The following MAGI1 variants were observed in gnomAD, a reference collection of about 807,000 sequenced individuals.
MAGI1 encodes the protein membrane-associated guanylate kinase, WW and PDZ domain-containing protein 1.
Under a neutral mutation model 139.9 loss-of-function variants are expected in MAGI1, and 58 were observed. The ratio of observed to expected loss-of-function variants is 0.41; its 90% confidence interval spans 0.34 to 0.52. The LOEUF (loss-of-function observed/expected upper bound fraction) is 0.52. Ranked by LOEUF, MAGI1 falls within the 20% of genes least tolerant of loss-of-function variation. The probability of loss-of-function intolerance (pLI) is 0.12; values close to 1 mark genes in which losing one functional copy is unlikely to be tolerated. For synonymous variants in MAGI1, 812 were observed against 737.9 expected (o/e 1.10, Z -1.63); for missense variants, 1,874 against 1,901.6 (o/e 0.99, Z 0.27).
At chr3:65,937,317 T>C (rs997442269) in intron 1 of MAGI1, among the ~76,000 whole-genome samples, 7 of 152,278 alleles carry the variant, frequency 4.6e-5, no homozygotes, top group Admixed American at 3.9e-4. Flanking sequence ...CCTTGCCCTT[T>C]TGCCTCAGAT....
chr3:65,426,488 C>A lies in MAGI1; in HGVS notation c.2167+3032G>T, dbSNP rs528392451. 3.9e-5 allele frequency among the ~76,000 whole-genome samples: 6 copies of A among 152,234 alleles called. No individual in the cohort carries two copies. In the East Asian group the frequency reaches 9.7e-4, roughly 25 times the overall value. ...TAAAGCATAGAAAGCCACAACCTCA[C>A]GACAGGAATTCCTGAGACTCATGGA... On this transcript the variant is annotated intron_variant, in intron 12 of 22. Transcript: ENST00000402939.
intron 1 of MAGI1, among the ~76,000 whole-genome samples, chr3:65,970,240 A>G (rs190844432): frequency 2.1e-4 from 32 of 152,346 alleles, no homozygotes; most frequent in African/African-American, 7.5e-4. Context: ...TGCCGATCAC[A>G]AAAGGACAAA....
In MAGI1 at chr3:65,381,895, G is replaced by A. The variant is rs765325696; in HGVS notation, c.2683C>T (p.Arg895Cys). 6 of 1,612,872 alleles carry A rather than the reference G, an allele frequency of 3.7e-6. No individual in the cohort carries two copies. The highest frequency in any genetic ancestry group is 1.1e-5 in the South Asian group (1 of 90,886). ...TACATACCCGCAAAAACCACTTTAC[G>A]CCGCACCGTGAGATTGACGTGGCCT... ...KQGHVNLTVR[R>C]KVVFAVPKTE... Residue 895 changes from arginine (R) to cysteine (C), a missense_variant, in exon 16 of 23, where the codon CGT becomes TGT. By Grantham distance (180) the Arg-to-Cys change is radical. Transcript: ENST00000402939.
intron 1 of MAGI1, among the ~76,000 whole-genome samples, chr3:65,638,185 T>C (rs562948643): frequency 2.0e-5 from 3 of 152,252 alleles, no homozygotes; most frequent in South Asian, 2.1e-4. Flanking sequence ...GGGATAAGAA[T>C]AGCATCTACC....
At chr3:65,800,649 C>A (rs1296120322) in intron 1 of MAGI1, among the ~76,000 whole-genome samples, 2 of 144,974 alleles carry the variant, frequency 1.4e-5, no homozygotes, top group Non-Finnish European at 3.1e-5. Flanking sequence ...AAAAAAAAAA[C>A]TGATGTAAGA....
intron 1 of MAGI1, among the ~76,000 whole-genome samples, chr3:65,735,863 A>T (rs1231190855): frequency 2.0e-5 from 3 of 152,212 alleles, no homozygotes; most frequent in African/African-American, 7.2e-5. Context: ...GTTATCAAGC[A>T]CTTTACAGGC....
intron 1 of MAGI1, among the ~76,000 whole-genome samples, chr3:65,692,740 G>A (rs1465563036): frequency 6.6e-6 from 1 of 152,116 alleles, no homozygotes; most frequent in African/African-American, 2.4e-5. Context: ...GAGGGAGTGG[G>A]TGAGTTGTCA....
chr3:65,620,464 A>G (rs2083603907), intron 2 of MAGI1, among the ~76,000 whole-genome samples: 1 of 152,164 alleles, frequency 6.6e-6, no homozygotes, highest in African/African-American at 2.4e-5. Context: ...GCAATGGTGA[A>G]CTCAGGAGAC....
intron 13 of MAGI1, among the ~76,000 whole-genome samples, chr3:65,398,015 CT>C (rs983363854): frequency 3.5e-4 from 51 of 145,748 alleles, no homozygotes; most frequent in Middle Eastern, 3.5e-3. Flanking sequence ...GGCAATTAAT[CT>C]TTTTTTTTTT....
intron 1 of MAGI1, among the ~76,000 whole-genome samples, chr3:65,807,984 G>C (rs1385534761): frequency 6.6e-6 from 1 of 151,218 alleles, no homozygotes; most frequent in Non-Finnish European, 1.5e-5. Context: ...GAGAGGCTAA[G>C]TTCGGCGGAT....
chr3:65,592,410 A>G (rs2082011326), intron 2 of MAGI1, among the ~76,000 whole-genome samples: 1 of 152,150 alleles, frequency 6.6e-6, no homozygotes, highest in Admixed American at 6.5e-5. Flanking sequence ...AAAACTAGAA[A>G]CATGCTAACA....
chr3:65,981,841 G>C (rs2065598202), intron 1 of MAGI1, among the ~76,000 whole-genome samples: 1 of 152,156 alleles, frequency 6.6e-6, no homozygotes, highest in Admixed American at 6.5e-5. Flanking sequence ...CCCCAGCCAT[G>C]TGGAACTGTG....
chr3:65,918,792 T>A (rs2062030801), intron 1 of MAGI1, among the ~76,000 whole-genome samples: 2 of 152,124 alleles, frequency 1.3e-5, no homozygotes, highest in African/African-American at 4.8e-5. Flanking sequence ...TTCAAAGAAT[T>A]TAAAATGCTC....
chr3:65,879,408 A>G (rs2060239731), intron 1 of MAGI1, among the ~76,000 whole-genome samples: 1 of 152,068 alleles, frequency 6.6e-6, no homozygotes, highest in East Asian at 1.9e-4. Flanking sequence ...TCAGGCGATT[A>G]AGGGAAGAAA....
chr3:65,445,041 A>G (rs1320393250), intron 7 of MAGI1, among the ~76,000 whole-genome samples: 2 of 152,336 alleles, frequency 1.3e-5, no homozygotes, highest in South Asian at 4.1e-4. Flanking sequence ...ATGACATTAT[A>G]ATTTTTTAAG....
Position 65,375,768 on chromosome 3 carries a change from G to C in MAGI1, c.3173C>G (p.Thr1058Ser), listed in dbSNP as rs1663383742. The change falls in exon 18 of 23, where the codon ACC becomes AGC. Residue 1058 changes from threonine (T) to serine (S), a missense_variant. Around this residue, in one of 5 missense-constraint regions of MAGI1, gnomAD observed 653 missense variants for 644.5 expected, o/e 1.01. Coordinates refer to ENST00000402939, the MANE Select transcript of MAGI1 (RefSeq NM_001033057.2). ...ACCATCCCCAGGAATGATGCGGAGG[G>C]TAACTGTGTTTCCCGCTTCCTTGAT... ...NLIKEAGNTV[T>S]LRIIPGDESS... The C allele has an allele frequency of 6.2e-7, 1 of 1,613,648 alleles. No homozygotes were observed. Among genetic ancestry groups the C allele is most frequent in the Non-Finnish European group, 8.5e-7 (1 of 1,179,618 alleles).
At chr3:65,803,314 T>TG (rs2040633803) in intron 1 of MAGI1, among the ~76,000 whole-genome samples, 1 of 152,138 alleles carries the variant, frequency 6.6e-6, no homozygotes, top group African/African-American at 2.4e-5. Context: ...ATTGTACATA[T>TG]GAAAAAATAT....
chr3:65,481,534 A>G (rs1045575125), intron 3 of MAGI1, among the ~76,000 whole-genome samples: 3 of 152,246 alleles, frequency 2.0e-5, no homozygotes, highest in African/African-American at 7.2e-5. Flanking sequence ...AATCATTATT[A>G]TATCACGACA....
intron 1 of MAGI1, among the ~76,000 whole-genome samples, chr3:65,860,249 C>T (rs1041887904): frequency 6.6e-6 from 1 of 152,096 alleles, no homozygotes; most frequent in Admixed American, 6.6e-5. Context: ...TAACAAAACT[C>T]ACTGTTCTAC....
Sources: gnomAD v4.1 joint callset for allele counts (sites outside exome capture counted in the v4.1 genomes callset) on GRCh38, gnomAD v4.1.1 for gene constraint, gnomAD v4.1.1 regional missense constraint, MANE v1.5 for transcripts, NCBI Gene and HGNC (gene_info 2026-07-23, HGNC 2026-07-21) for gene names.